The following DDX55 variants were observed in gnomAD, a reference collection of about 807,000 sequenced individuals.
The protein encoded by DDX55 is DEAD-box helicase 55, also known as ATP-dependent RNA helicase DDX55.
A neutral mutation model predicts 69.2 loss-of-function variants in DDX55; 56 were observed. The ratio of observed to expected loss-of-function variants is 0.81; its 90% CI spans 0.65 to 1.01. DDX55 has a LOEUF of 1.01. DDX55 is among the 50% of genes least tolerant of loss of function. The pLI is 0.00. For missense variants in DDX55, 720 were observed against 745.1 expected, an observed-to-expected ratio of 0.97 and a Z score of 0.39; for synonymous variants, 268 against 273.1, an observed-to-expected ratio of 0.98 and a Z score of 0.18.
chr12:123,611,838 G>A (rs1027355802), intron 7 of DDX55, among the ~76,000 whole-genome samples: 2 of 152,218 alleles, frequency 1.3e-5, no homozygotes, highest in Non-Finnish European at 2.9e-5. Flanking sequence ...TCTGCATAGG[G>A]TAGTGTGGAG....
intron 3 of DDX55, among the ~76,000 whole-genome samples, chr12:123,606,992 T>C (rs786440): frequency 0.99 from 150,594 of 152,328 alleles, 74,463 homozygotes; most frequent in Middle Eastern, 1. Flanking sequence ...AGAAAATCCC[T>C]GTGCTAGAGA....
Position 123,619,627 on chromosome 12 carries a change from A to C in DDX55, c.1529A>C (p.Glu510Ala). 6.2e-7 allele frequency: 1 copy of C among 1,612,326 alleles called. No individual in the cohort carries two copies. Among genetic ancestry groups the C allele is most frequent in the Non-Finnish European group, 8.5e-7 (1 of 1,179,134 alleles). ...CAAAGAAGAGAGAAAACAGAAAATGAAGGGAGAAGAAAATTCATAAAAAAT... is the reference window on the plus strand; with the variant it reads ...CAAAGAAGAGAGAAAACAGAAAATGCAGGGAGAAGAAAATTCATAAAAAAT... ...EQQRREKTEN[E>A]GRRKFIKNKA... The change falls in exon 13 of 14, where the codon GAA becomes GCA. Residue 510 changes from glutamate (E) to alanine (A), a missense_variant. Coordinates refer to ENST00000238146, the MANE Select transcript of DDX55 (RefSeq NM_020936.3).
chr12:123,607,780 A>C, intron 5 of DDX55, 118 bp downstream of exon 5: 1 of 1,444,504 alleles, frequency 6.9e-7, no homozygotes, highest in Admixed American at 1.7e-5. Flanking sequence ...CCCCCTGCAA[A>C]AAGGTGTTTT....
intron 1 of DDX55, among the ~76,000 whole-genome samples, chr12:123,604,281 G>A (rs1265170005): frequency 1.3e-5 from 2 of 152,248 alleles, no homozygotes; most frequent in Middle Eastern, 3.4e-3. Context: ...GGTGGCTCAC[G>A]CCTGTAATCC....
In DDX55 at chr12:123,619,458, G is replaced by A. The variant is rs1356776708; in HGVS notation, c.1360G>A (p.Gly454Ser). ...TCTTGATTTTGCCAGCCTTGCTCGA[G>A]GTTTTGCCCTGCTGAGGATGCCCAA... The part of the protein sequence containing the change: ...KDLDFASLAR[G>S]FALLRMPKMP... Residue 454 changes from glycine to serine, a missense_variant, in exon 13 of 14, where the codon GGT becomes AGT. By Grantham distance (56) the Gly-to-Ser change is moderately conservative. Coordinates refer to ENST00000238146, the MANE Select transcript of DDX55 (RefSeq NM_020936.3). 2 of 1,612,828 alleles carry A rather than the reference G, an allele frequency of 1.2e-6. No homozygotes were observed. Among genetic ancestry groups the A allele is most frequent in the South Asian group, 1.1e-5 (1 of 90,758 alleles).
chr12:123,616,993 A>AT (rs1323595277), intron 10 of DDX55, among the ~76,000 whole-genome samples: 5 of 152,198 alleles, frequency 3.3e-5, no homozygotes, highest in Admixed American at 1.3e-4. Context: ...CTCTACAAAA[A>AT]ATATATATAC....
Position 123,613,179 on chromosome 12 carries a change from G to A in DDX55, c.751G>A (p.Ala251Thr). ...RLENYYMVCKADEKFNQLVHF... is the reference protein window; with the variant it reads ...RLENYYMVCKTDEKFNQLVHF... ...CCTTTTTATTTTGCAGGTATGCAAG[G>A]CAGATGAGAAATTTAATCAGCTGGT... The change falls in exon 8 of 14, where the codon GCA becomes ACA. Residue 251 changes from alanine to threonine, a missense_variant. Coordinates refer to ENST00000238146, the MANE Select transcript of DDX55 (RefSeq NM_020936.3). The A allele has an allele frequency of 6.2e-7, 1 of 1,614,030 alleles. No individual in the cohort carries two copies. Among genetic ancestry groups the A allele is most frequent in the Non-Finnish European group, 8.5e-7 (1 of 1,179,984 alleles).
At chr12:123,608,450 G>A (rs558089008) in intron 5 of DDX55, 12 of 435,224 alleles carry the variant, frequency 2.8e-5, no homozygotes, top group South Asian at 1.3e-4. Context: ...GGTTTGGTCC[G>A]GGAGCTGGAG....
Position 123,602,207 on chromosome 12 carries a change from TGCTGGGCGCGCTGCGGGA to T in DDX55, c.67_84del (p.Ala23_Gly28del), listed in dbSNP as rs1953604659. 1.3e-6 allele frequency: 2 copies of T among 1,573,830 alleles called. No individual in the cohort carries two copies. Among genetic ancestry groups the T allele is most frequent in the South Asian group, 1.2e-5 (1 of 86,390 alleles). ...CTGCCTGTGCCGCTGCACCCGCAGG[TGCTGGGCGCGCTGCGGGA>T]GCTGGGCTTCCCGTACATGACGCCG... is the stretch of plus-strand genomic sequence containing the variant. On this transcript the variant is annotated inframe_deletion, in exon 1 of 14. Coordinates refer to ENST00000238146, the MANE Select transcript of DDX55 (RefSeq NM_020936.3).
chr12:123,620,092 A>C lies in DDX55; in HGVS notation c.1755A>C (p.Thr585=). 1 of 1,614,214 alleles carries C rather than the reference A, an allele frequency of 6.2e-7. No individual in the cohort carries two copies. The highest frequency in any genetic ancestry group is 8.5e-7 in the Non-Finnish European group (1 of 1,180,028). Reference sequence around the variant, plus strand: ...GCTTGTTGACAACTGGCAAAAGAACAATCAAGACAGTGGATTTAGGGATCT... The same window carrying C: ...GCTTGTTGACAACTGGCAAAAGAACCATCAAGACAGTGGATTTAGGGATCT... The part of the protein sequence containing the change: ...EKGLLTTGKR[T]IKTVDLGISD... The change falls in exon 14 of 14, where the codon ACA becomes ACC. Residue 585 remains threonine, a synonymous_variant. Coordinates refer to ENST00000238146, the MANE Select transcript of DDX55 (RefSeq NM_020936.3).
At chr12:123,610,248 G>C in intron 7 of DDX55, 120 bp downstream of exon 7, 1 of 1,311,136 alleles carries the variant, frequency 7.6e-7, no homozygotes, top group Non-Finnish European at 1.0e-6. Context: ...TTTGGGGACA[G>C]AGCTAGCTAG....
intron 11 of DDX55, chr12:123,618,419 A>G: frequency 9.2e-7 from 1 of 1,090,798 alleles, no homozygotes; most frequent in South Asian, 1.2e-5. Flanking sequence ...CTTCTTGTGA[A>G]TAGAGACCCA....
rs1955073997 is a variant in DDX55, at chr12:123,620,628, A to ATATATATATATAT, written c.*488_*489insTATATATATATAT. On this transcript the variant is annotated 3_prime_UTR_variant, in exon 14 of 14. Transcript: ENST00000238146. ...TATATATATATATATATATATATAT[A>ATATATATATATAT]AGCTCTTTTTTCTGAGGCTATTTTA... 2.1e-5 allele frequency: 2 copies of ATATATATATATAT among 93,036 alleles called. No homozygotes were observed. The highest frequency in any genetic ancestry group is 5.5e-3 in the Middle Eastern group (1 of 182). The allele number at this position is 93,036 out of a possible 1,614,324, so 5.8% of individuals were successfully genotyped here. A position where few individuals can be genotyped will look rare whatever the true frequency, so the allele number is the denominator to read the frequency against.
At chr12:123,615,445 C>G in intron 9 of DDX55, 129 bp downstream of exon 9, 1 of 1,335,944 alleles carries the variant, frequency 7.5e-7, no homozygotes, top group Non-Finnish European at 1.0e-6. Flanking sequence ...CCTCTTCCCT[C>G]TCTAATCTGG....
chr12:123,605,952 A>T lies in DDX55; in HGVS notation c.130A>T (p.Met44Leu), dbSNP rs753536419. The change falls in exon 2 of 14, where the codon ATG becomes TTG. Residue 44 changes from methionine (M) to leucine (L), a missense_variant. Coordinates refer to ENST00000238146, the MANE Select transcript of DDX55 (RefSeq NM_020936.3). ...PVQSATIPLF[M>L]RNKDVAAEAV... ...TTAGTCCGCAACCATCCCTCTGTTC[A>T]TGCGAAACAAAGATGTCGCTGCAGA... The T allele has an allele frequency of 1.9e-6, 3 of 1,614,134 alleles. No individual in the cohort carries two copies. Among genetic ancestry groups the T allele is most frequent in the Non-Finnish European group, 1.7e-6 (2 of 1,180,006 alleles).
At position 123,603,452 on chromosome 12, in the gene DDX55, C is replaced by T. The variant is rs1162585190; in HGVS notation, c.108+1196C>T. Among the ~76,000 whole-genome samples the T allele has an allele frequency of 1.4e-4, 20 of 142,186 alleles. 1 individual carries two copies. In the Admixed American group the frequency reaches 1.5e-3, roughly 11 times the overall value. 93.3% of individuals were successfully genotyped at this position (142,186 alleles called of 152,430 possible). ...TGTTGCCCAGGCTGGAGTGCAGTGG[C>T]GCGATCTCGGCTCACTGCAACCTCC... On this transcript the variant is annotated intron_variant, in intron 1 of 13. Coordinates refer to ENST00000238146, the MANE Select transcript of DDX55 (RefSeq NM_020936.3).
At position 123,620,289 on chromosome 12, in the gene DDX55, T is replaced by C. The variant is rs1955041454; in HGVS notation, c.*149T>C. ...GCTGTCCTTTCAGATGAGGGAGAAA[T>C]GAAGGATTTCACACTTCAGAATATT... On this transcript the variant is annotated 3_prime_UTR_variant, in exon 14 of 14. Coordinates refer to ENST00000238146, the MANE Select transcript of DDX55 (RefSeq NM_020936.3). The C allele has an allele frequency of 1.3e-6, 1 of 769,478 alleles. No individual in the cohort carries two copies. Among genetic ancestry groups the C allele is most frequent in the African/African-American group, 1.8e-5 (1 of 56,432 alleles). 47.7% of individuals were successfully genotyped at this position (769,478 alleles called of 1,614,324 possible).
intron 7 of DDX55, 121 bp from the exon 8 acceptor site, chr12:123,613,049 A>C: frequency 1.0e-6 from 1 of 965,566 alleles, no homozygotes; most frequent in Admixed American, 2.1e-5. Context: ...ATTCCGACTA[A>C]AGTCTGTCCT....
chr12:123,607,249 A>G (rs1953946047), intron 3 of DDX55, among the ~76,000 whole-genome samples, 183 bp from the exon 4 acceptor site: 1 of 152,248 alleles, frequency 6.6e-6, no homozygotes, highest in South Asian at 2.1e-4. Flanking sequence ...TAACTGCAGT[A>G]TATGATGACG....
Sources: gnomAD v4.1 joint callset for allele counts (sites outside exome capture counted in the v4.1 genomes callset) on GRCh38, gnomAD v4.1.1 for gene constraint, MANE v1.5 for transcripts, NCBI Gene and HGNC (gene_info 2026-07-23, HGNC 2026-07-21) for gene names.